The following FANK1 variants were observed in gnomAD, a reference collection of about 807,000 sequenced individuals.
FANK1 encodes fibronectin type III and ankyrin repeat domains 1, also known as fibronectin type 3 and ankyrin repeat domains protein 1.
FANK1 carries 44 observed loss-of-function variants against 45.3 expected under a neutral mutation model. That is an observed-to-expected ratio of 0.97 (90% CI 0.76 to 1.25). The LOEUF (loss-of-function observed/expected upper bound fraction) is 1.25, where lower values mean the gene tolerates loss of function less well. Ranked by LOEUF, FANK1 falls within the 50% of genes most tolerant of loss-of-function variation. The probability of loss-of-function intolerance (pLI) is 0.00; values close to 1 mark genes in which losing one functional copy is unlikely to be tolerated. For missense variants in FANK1, 391 were observed against 424.4 expected (o/e 0.92, Z 0.69); for synonymous variants, 149 against 152.5 (o/e 0.98, Z 0.17).
At chr10:125,987,584 A>G (rs1446417413) in intron 2 of FANK1, among the ~76,000 whole-genome samples, 3 of 152,126 alleles carry the variant, frequency 2.0e-5, no homozygotes, top group Non-Finnish European at 4.4e-5. Context: ...AGAAGAAAAG[A>G]AAAATTTAGA....
At chr10:125,995,588 A>T (rs1260467380) in intron 4 of FANK1, 90 bp downstream of exon 4, 3 of 1,279,380 alleles carry the variant, frequency 2.3e-6, no homozygotes, top group Non-Finnish European at 3.4e-6. Flanking sequence ...TTTCCTAAAA[A>T]TTCCCATGGC....
chr10:125,989,556 G>A, intron 3 of FANK1: 1 of 718,610 alleles, frequency 1.4e-6, no homozygotes, highest in Non-Finnish European at 2.6e-6. Context: ...CTTTTGAGCT[G>A]TGGTACCTTC....
At chr10:125,901,452 T>C (rs1421230930) in intron 1 of FANK1, among the ~76,000 whole-genome samples, 13 of 152,212 alleles carry the variant, frequency 8.5e-5, no homozygotes, top group African/African-American at 2.9e-4. Flanking sequence ...TTTCAAAATA[T>C]ACATCAAATC....
At chr10:125,989,530 T>C in intron 3 of FANK1, 1 of 752,420 alleles carries the variant, frequency 1.3e-6, no homozygotes, top group Non-Finnish European at 2.4e-6. Flanking sequence ...TTAACTCAGC[T>C]TTTGAGTTAA....
intron 1 of FANK1, among the ~76,000 whole-genome samples, chr10:125,918,072 C>T (rs1946597305): frequency 1.3e-5 from 2 of 151,676 alleles, no homozygotes; most frequent in Non-Finnish European, 2.9e-5. Context: ...AGAGTGAGAC[C>T]CTGTCAGAAA....
intron 1 of FANK1, among the ~76,000 whole-genome samples, chr10:125,949,646 T>A (rs1176352720): frequency 1.5e-5 from 2 of 130,350 alleles, no homozygotes; most frequent in Non-Finnish European, 3.4e-5. Flanking sequence ...CATTCCACGC[T>A]CATGGGTAAG....
At chr10:125,951,292 C>T (rs899137845) in intron 1 of FANK1, among the ~76,000 whole-genome samples, 5 of 151,328 alleles carry the variant, frequency 3.3e-5, no homozygotes, top group Admixed American at 2.6e-4. Flanking sequence ...AATAGACTGG[C>T]CAAGATCTTA....
At chr10:125,954,887 A>G (rs537651442) in intron 1 of FANK1, among the ~76,000 whole-genome samples, 3 of 152,260 alleles carry the variant, frequency 2.0e-5, no homozygotes, top group South Asian at 2.1e-4. Flanking sequence ...TGCCACTGCA[A>G]TCCAGCCTGG....
chr10:125,978,492 T>TC (rs1262330190), intron 1 of FANK1, among the ~76,000 whole-genome samples: 2 of 151,070 alleles, frequency 1.3e-5, no homozygotes, highest in African/African-American at 4.9e-5. Context: ...AAATTCAATG[T>TC]CCATCTGTCA....
At chr10:125,899,431 G>C (rs1184293940) in intron 1 of FANK1, among the ~76,000 whole-genome samples, 1 of 152,100 alleles carries the variant, frequency 6.6e-6, no homozygotes, top group East Asian at 1.9e-4. Flanking sequence ...ATTTGTTCTC[G>C]AACGCCTGGC....
At chr10:125,978,647 C>T (rs1951000516) in intron 1 of FANK1, among the ~76,000 whole-genome samples, 1 of 152,152 alleles carries the variant, frequency 6.6e-6, no homozygotes, top group African/African-American at 2.4e-5. Flanking sequence ...CCCTTCTGCC[C>T]TGTGTTGGCT....
At chr10:125,958,576 T>C (rs550625803) in intron 1 of FANK1, among the ~76,000 whole-genome samples, 2 of 152,298 alleles carry the variant, frequency 1.3e-5, no homozygotes, top group East Asian at 1.9e-4. Context: ...CTGTTTTCCA[T>C]AGCGGCTATA....
chr10:125,994,040 T>TGG (rs1952128264), intron 3 of FANK1, among the ~76,000 whole-genome samples: 2 of 152,116 alleles, frequency 1.3e-5, no homozygotes, highest in Admixed American at 6.5e-5. Context: ...GCCCAGGAAC[T>TGG]GGCATCCCAG....
chr10:125,933,431 A>G (rs1947880114), intron 1 of FANK1, among the ~76,000 whole-genome samples: 2 of 152,126 alleles, frequency 1.3e-5, no homozygotes, highest in African/African-American at 2.4e-5. Context: ...AAAGGTGTTC[A>G]CAGTAGCCTT....
At chr10:125,943,590 T>G (rs932165063) in intron 1 of FANK1, among the ~76,000 whole-genome samples, 1 of 152,260 alleles carries the variant, frequency 6.6e-6, no homozygotes, top group Admixed American at 6.5e-5. Flanking sequence ...TTATACAATA[T>G]GTGACCGTTT....
chr10:125,906,458 G>T (rs1945523908), intron 1 of FANK1, among the ~76,000 whole-genome samples: 1 of 142,822 alleles, frequency 7.0e-6, no homozygotes, highest in East Asian at 2.1e-4. Context: ...GGAGGTTGCA[G>T]TGAGCCAAGA....
chr10:126,008,370 A>T, intron 7 of FANK1, 37 bp from the exon 8 acceptor site: 1 of 1,536,926 alleles, frequency 6.5e-7, no homozygotes, highest in Non-Finnish European at 8.7e-7. Context: ...AAGAAAAAGA[A>T]ATTGGGCTCA....
At chr10:125,928,619 C>T (rs989202160) in intron 1 of FANK1, among the ~76,000 whole-genome samples, 6 of 152,130 alleles carry the variant, frequency 3.9e-5, no homozygotes, top group Non-Finnish European at 7.3e-5. Flanking sequence ...TACTTACTAT[C>T]GTGTCAGCTT....
chr10:126,008,540 C>A lies in FANK1; in HGVS notation c.839C>A (p.Thr280Lys). 1 of 1,609,934 alleles carries A rather than the reference C, an allele frequency of 6.2e-7. No homozygotes were observed. The highest frequency in any genetic ancestry group is 8.5e-7 in the Non-Finnish European group (1 of 1,178,728). ...NVNVKDRNGK[T>K]PLMVAVLNNH... ...AATGTGAAGGACAGAAATGGAAAGA[C>A]GCCCCTTATGGTAGGTCCTCCTCCC... The change falls in exon 8 of 11, where the codon ACG (threonine) becomes AAG (lysine). Residue 280 changes from threonine (T) to lysine (K), a missense_variant. Coordinates refer to ENST00000368693, the MANE Select transcript of FANK1 (RefSeq NM_145235.5).
Sources: gnomAD v4.1 joint callset for allele counts (sites outside exome capture counted in the v4.1 genomes callset) on GRCh38, gnomAD v4.1.1 for gene constraint, MANE v1.5 for transcripts, NCBI Gene and HGNC (gene_info 2026-07-23, HGNC 2026-07-21) for gene names.